DNAH14: variants seen among roughly 807,000 people sequenced by gnomAD.
The protein encoded by DNAH14 is axonemal beta dynein heavy chain 14.
Under a neutral mutation model 520.9 loss-of-function variants are expected in DNAH14, and 478 were observed. The observed-to-expected ratio is 0.92, with a 90% confidence interval of 0.85 to 0.99. The LOEUF is 0.99. DNAH14 is among the 50% of genes least tolerant of loss of function. DNAH14 has a pLI of 0.00. For missense variants in DNAH14, 4,831 were observed against 5,234.5 expected, an observed-to-expected ratio of 0.92 and a Z score of 2.38; for synonymous variants, 1,581 against 1,757.2, an observed-to-expected ratio of 0.90 and a Z score of 2.51.
At position 225,307,512 on chromosome 1, in the gene DNAH14, T is replaced by TA. The variant is rs1255649178; in HGVS notation, c.9058dup (p.Thr3020AsnfsTer36). 1.3e-6 allele frequency: 2 copies of TA among 1,547,846 alleles called. No homozygotes were observed. Among genetic ancestry groups the TA allele is most frequent in the Non-Finnish European group, 1.7e-6 (2 of 1,145,938 alleles). On this transcript the variant is annotated frameshift_variant, in exon 59 of 86. Transcript: ENST00000682510. LOFTEE classifies it high-confidence loss of function. ...CAATCCTGGAAGCAACCACTCTAGTTACAGAAATGCAAGAAGAGCTCTTGA... is the reference window on the plus strand; with the variant it reads ...CAATCCTGGAAGCAACCACTCTAGTTAACAGAAATGCAAGAAGAGCTCTTGA...
rs1350709684 is a variant in DNAH14 at position 225,341,561 on chromosome 1, G to A, written c.10678+860G>A. Among the ~76,000 whole-genome samples, 3 of 152,194 alleles carry A rather than the reference G, an allele frequency of 2.0e-5. No homozygotes were observed. The East Asian group carries it at 5.8e-4, about 29-fold the overall frequency. On this transcript the variant is annotated intron_variant, in intron 69 of 85. Coordinates refer to ENST00000682510, the MANE Select transcript of DNAH14 (RefSeq NM_001367479.1). Reference sequence around the variant, plus strand: ...CATGCCTGTAATCCCAGCTACTTGGGAGGTTGAGACAGGAGAATTGCTTGA... The same window carrying A: ...CATGCCTGTAATCCCAGCTACTTGGAAGGTTGAGACAGGAGAATTGCTTGA...
intron 27 of DNAH14, among the ~76,000 whole-genome samples, chr1:225,136,623 G>T (rs2078974677): frequency 6.6e-6 from 1 of 152,032 alleles, no homozygotes; most frequent in South Asian, 2.1e-4. Flanking sequence ...TCATGATTAT[G>T]TGTCTCAGAG....
rs2068410187 is a variant in DNAH14, at chr1:225,050,220, T to TC, written c.1925dup (p.Leu643SerfsTer12). The TC allele has an allele frequency of 6.5e-7, 1 of 1,534,648 alleles. No individual in the cohort carries two copies. Among genetic ancestry groups the TC allele is most frequent in the Admixed American group, 2.2e-5 (1 of 45,782 alleles). ...AATTATATATTTTAGCCACAATTACTCCTCTTTGCCAAGATCCCCAGCTGT... is the reference window on the plus strand; with the variant it reads ...AATTATATATTTTAGCCACAATTACTCCCTCTTTGCCAAGATCCCCAGCTGT... On this transcript the variant is annotated frameshift_variant, in exon 16 of 86. Coordinates refer to ENST00000682510, the MANE Select transcript of DNAH14 (RefSeq NM_001367479.1). LOFTEE classifies it high-confidence loss of function.
At chr1:225,379,893 A>G (rs2095757854) in intron 79 of DNAH14, among the ~76,000 whole-genome samples, 1 of 152,226 alleles carries the variant, frequency 6.6e-6, no homozygotes, top group Non-Finnish European at 1.5e-5. Context: ...GTTTCAATAC[A>G]TACAATGTAT....
At chr1:225,125,043 T>G (rs908440060) in intron 27 of DNAH14, among the ~76,000 whole-genome samples, 3 of 152,148 alleles carry the variant, frequency 2.0e-5, no homozygotes, top group Non-Finnish European at 2.9e-5. Context: ...AAGGAATCTT[T>G]TTTTCTTAAC....
At chr1:224,957,247 TA>T (rs1285922438) in intron 3 of DNAH14, among the ~76,000 whole-genome samples, 9 of 151,864 alleles carry the variant, frequency 5.9e-5, no homozygotes, top group Non-Finnish European at 1.5e-5. Context: ...AAATAATGAA[TA>T]GTGGTCCCAT....
chr1:225,084,561 G>A (rs540983109), intron 20 of DNAH14, among the ~76,000 whole-genome samples: 1 of 152,146 alleles, frequency 6.6e-6, no homozygotes, highest in Non-Finnish European at 1.5e-5. Flanking sequence ...CACATGAAAA[G>A]CATTTCATGA....
chr1:225,140,872 G>A lies in DNAH14; in HGVS notation c.4359G>A (p.Glu1453=). The A allele has an allele frequency of 1.3e-6, 2 of 1,551,286 alleles. No homozygotes were observed. The highest frequency in any genetic ancestry group is 1.2e-5 in the South Asian group (1 of 84,044). Residue 1453 remains glutamate (E), a synonymous_variant, in exon 28 of 86, where the codon GAG becomes GAA. Coordinates refer to ENST00000682510, the MANE Select transcript of DNAH14 (RefSeq NM_001367479.1). ...CTGGTCTGATGTGTCATCTAGAAGA[G>A]GTTGCAGACCTGGTAGTGCTGGATA... ...VHAGLMCHLE[E]VADLVVLDTS... is the part of the protein sequence containing the mutation.
intron 17 of DNAH14, among the ~76,000 whole-genome samples, chr1:225,061,263 C>G (rs1440107592): frequency 1.3e-5 from 2 of 152,222 alleles, no homozygotes; most frequent in African/African-American, 4.8e-5. Flanking sequence ...TGGTCTCAGA[C>G]TGCTGTGCTA....
At chr1:225,185,760 A>C (rs1034069397) in intron 37 of DNAH14, among the ~76,000 whole-genome samples, 4 of 151,602 alleles carry the variant, frequency 2.6e-5, no homozygotes, top group African/African-American at 9.7e-5. Context: ...CTTCTTAATG[A>C]ATTAACTTTC....
chr1:225,119,622 G>A (rs562272337), intron 26 of DNAH14, among the ~76,000 whole-genome samples: 5 of 152,264 alleles, frequency 3.3e-5, no homozygotes, highest in South Asian at 2.1e-4. Context: ...TAGGGCTCCC[G>A]TTTGAGCACA....
intron 77 of DNAH14, among the ~76,000 whole-genome samples, chr1:225,371,581 T>G (rs1015617187): frequency 6.6e-6 from 1 of 152,174 alleles, no homozygotes; most frequent in African/African-American, 2.4e-5. Context: ...GTAAATTCAA[T>G]GAGATAAAAT....
intron 37 of DNAH14, among the ~76,000 whole-genome samples, chr1:225,188,034 G>T (rs568550135): frequency 6.6e-6 from 1 of 151,826 alleles, no homozygotes; most frequent in East Asian, 1.9e-4. Context: ...AAAATCAGTT[G>T]GCCACAGATG....
At chr1:225,164,317 T>G (rs1001309626) in intron 35 of DNAH14, among the ~76,000 whole-genome samples, 1 of 152,138 alleles carries the variant, frequency 6.6e-6, no homozygotes, top group African/African-American at 2.4e-5. Context: ...TAATAAAATT[T>G]TATCCAATTT....
intron 75 of DNAH14, among the ~76,000 whole-genome samples, chr1:225,364,180 G>A (rs2095525876): frequency 6.6e-6 from 1 of 152,160 alleles, no homozygotes; most frequent in Non-Finnish European, 1.5e-5. Flanking sequence ...ATTAACTTTG[G>A]TCACTTGGTT....
chr1:225,111,027 G>C (rs1422132497), intron 23 of DNAH14, among the ~76,000 whole-genome samples: 1 of 152,088 alleles, frequency 6.6e-6, no homozygotes, highest in Non-Finnish European at 1.5e-5. Context: ...TTTAAGACTT[G>C]TTTTGTGGCC....
rs184118336 is a variant in DNAH14, at chr1:225,169,927, G to A, written c.5535+1899G>A. On this transcript the variant is annotated intron_variant, in intron 36 of 85. Transcript: ENST00000682510. ...CAGACTAACAGCAGATCTCTTGGCA[G>A]AAACTCTACAAGCCAGAAGAGAGTG... is the stretch of plus-strand genomic sequence containing the variant. Among the ~76,000 whole-genome samples the A allele has an allele frequency of 2.3e-3, 346 of 152,320 alleles. 3 individuals carry two copies. Among genetic ancestry groups the A allele is most frequent in the African/African-American group, 7.7e-3 (319 of 41,582 alleles).
At chr1:225,097,575 A>G (rs1172065404) in intron 22 of DNAH14, among the ~76,000 whole-genome samples, 2 of 152,016 alleles carry the variant, frequency 1.3e-5, no homozygotes, top group African/African-American at 4.8e-5. Flanking sequence ...GGAGTTCAAG[A>G]CCAGCCTGGC....
intron 11 of DNAH14, among the ~76,000 whole-genome samples, chr1:225,025,249 T>C (rs1261632062): frequency 1.3e-5 from 2 of 151,948 alleles, no homozygotes; most frequent in African/African-American, 4.8e-5. Flanking sequence ...GGAGGATCAC[T>C]TGAGCCTGGG....
Sources: gnomAD v4.1 joint callset for allele counts (sites outside exome capture counted in the v4.1 genomes callset) on GRCh38, gnomAD v4.1.1 for gene constraint, MANE v1.5 for transcripts, NCBI Gene and HGNC (gene_info 2026-07-23, HGNC 2026-07-21) for gene names.